Variants in SP140L observed in about 807,000 individuals in gnomAD.
SP140L encodes the protein nuclear body protein SP140-like protein.
A neutral mutation model predicts 84.3 loss-of-function variants in SP140L; 64 were observed. That is an observed-to-expected ratio of 0.76 (90% CI 0.62 to 0.94). SP140L has a LOEUF of 0.94. Ranked by LOEUF, SP140L falls within the 40% of genes least tolerant of loss-of-function variation. The pLI is 0.00. For missense variants in SP140L, 628 were observed against 692.5 expected (o/e 0.91, Z 1.05); for synonymous variants, 242 against 236.9 (o/e 1.02, Z -0.20).
At chr2:230,356,393 C>T (rs1303299219) in intron 2 of SP140L, among the ~76,000 whole-genome samples, 2 of 152,178 alleles carry the variant, frequency 1.3e-5, no homozygotes, top group Non-Finnish European at 2.9e-5. Context: ...TAGATTCACA[C>T]AATGGAATAC....
intron 2 of SP140L, among the ~76,000 whole-genome samples, chr2:230,352,498 G>T (rs1029497430): frequency 1.3e-5 from 2 of 152,068 alleles, no homozygotes; most frequent in Admixed American, 6.6e-5. Context: ...GATCTCATGA[G>T]AACTCACTAT....
At chr2:230,331,321 G>C (rs550411690) in intron 2 of SP140L, among the ~76,000 whole-genome samples, 1 of 152,244 alleles carries the variant, frequency 6.6e-6, no homozygotes. Context: ...GGAAAACATA[G>C]TATATACAGA....
intron 7 of SP140L, among the ~76,000 whole-genome samples, chr2:230,380,372 T>G (rs1280209244): frequency 1.3e-5 from 2 of 152,154 alleles, no homozygotes; most frequent in African/African-American, 4.8e-5. Flanking sequence ...CATGTCACTA[T>G]CCATATATAC....
chr2:230,350,576 T>C (rs867169185), intron 2 of SP140L, among the ~76,000 whole-genome samples: 5 of 152,152 alleles, frequency 3.3e-5, no homozygotes, highest in South Asian at 4.1e-4. Flanking sequence ...GAAAAATCAA[T>C]GGACAAAACA....
chr2:230,362,868 A>T (rs1321197528), intron 5 of SP140L, among the ~76,000 whole-genome samples: 1 of 151,868 alleles, frequency 6.6e-6, no homozygotes, highest in Admixed American at 6.6e-5. Flanking sequence ...GAGGAAATTT[A>T]TGCAGAAAGA....
At chr2:230,386,233 G>A (rs2061576020) in intron 9 of SP140L, among the ~76,000 whole-genome samples, 1 of 152,136 alleles carries the variant, frequency 6.6e-6, no homozygotes, top group South Asian at 2.1e-4. Context: ...GCGGGTGCTT[G>A]GAACTTGGGT....
intron 2 of SP140L, among the ~76,000 whole-genome samples, 188 bp downstream of exon 2, chr2:230,329,019 G>T (rs1415213787): frequency 6.6e-6 from 1 of 151,948 alleles, no homozygotes; most frequent in Non-Finnish European, 1.5e-5. Context: ...TAAATATTCT[G>T]CAAAGTATAA....
intron 5 of SP140L, 152 bp from the exon 6 acceptor site, chr2:230,370,756 C>T (rs555415698): frequency 2.1e-5 from 13 of 619,056 alleles, no homozygotes; most frequent in East Asian, 1.4e-4. Flanking sequence ...AAGAAGATTT[C>T]GGAGGAAAAA....
At chr2:230,393,604 T>C (rs2061919894) in intron 13 of SP140L, 143 bp downstream of exon 13, 1 of 1,023,500 alleles carries the variant, frequency 9.8e-7, no homozygotes, top group Admixed American at 3.8e-5. Context: ...TTTTTTAATA[T>C]ACACTTTCAG....
intron 5 of SP140L, among the ~76,000 whole-genome samples, chr2:230,368,997 A>G (rs1449861417): frequency 6.6e-6 from 1 of 152,014 alleles, no homozygotes; most frequent in East Asian, 1.9e-4. Flanking sequence ...TGTCTTTTTG[A>G]TGGTGTTATG....
intron 2 of SP140L, among the ~76,000 whole-genome samples, chr2:230,334,364 T>G (rs987377131): frequency 1.3e-5 from 2 of 152,218 alleles, no homozygotes; most frequent in African/African-American, 4.8e-5. Context: ...TGTCCTTTCC[T>G]CTCCTGTTCC....
chr2:230,334,010 C>T lies in SP140L; in HGVS notation c.107+5179C>T, dbSNP rs1237314402. Among the ~76,000 whole-genome samples, 3 of 152,150 alleles carry T rather than the reference C, an allele frequency of 2.0e-5. No homozygotes were observed. In the East Asian group the frequency reaches 5.8e-4, roughly 29 times the overall value. On this transcript the variant is annotated intron_variant, in intron 2 of 18. Coordinates refer to ENST00000415673, the MANE Select transcript of SP140L (RefSeq NM_138402.6). The stretch of plus-strand genomic sequence containing the variant: ...GCATCTGTTCCTTCCAGGTTTCTTT[C>T]GCAGCTCCTGCTCCAATATTTGCTT...
At chr2:230,360,842 A>T (rs780305971) in intron 4 of SP140L, among the ~76,000 whole-genome samples, 4 of 152,056 alleles carry the variant, frequency 2.6e-5, no homozygotes, top group Non-Finnish European at 5.9e-5. Context: ...GTCCTCTGTT[A>T]TGTTTATCTG....
At chr2:230,374,259 T>TCAGCAGAGGTTGCACC (rs2061174513) in intron 7 of SP140L, among the ~76,000 whole-genome samples, 2 of 149,762 alleles carry the variant, frequency 1.3e-5, no homozygotes, top group Admixed American at 6.7e-5. Context: ...GAGGTTGCAC[T>TCAGCAGAGGTTGCACC]GAGCAGAGGT....
At chr2:230,398,570 T>C (rs868063233) in intron 14 of SP140L, among the ~76,000 whole-genome samples, 6 of 152,206 alleles carry the variant, frequency 3.9e-5, no homozygotes, top group Middle Eastern at 3.2e-3. Context: ...CTGCAAACTC[T>C]GTGAGACAGC....
rs980607816 is a variant in SP140L, at chr2:230,361,784, A to G, written c.523+87A>G. 3 of 984,238 alleles carry G rather than the reference A, an allele frequency of 3.0e-6. No homozygotes were observed. In the African/African-American group the frequency reaches 4.9e-5, roughly 16 times the overall value. 61.0% of individuals were successfully genotyped at this position (984,238 alleles called of 1,614,324 possible). ...TGAGGGCCCAAGGTCCTGAGGGGAA[A>G]TTGTGAAACAGGGAAGACACAGGGA... On this transcript the variant is annotated intron_variant, in intron 5 of 18. Transcript: ENST00000415673.
At chr2:230,334,531 A>G (rs1448760616) in intron 2 of SP140L, among the ~76,000 whole-genome samples, 2 of 152,242 alleles carry the variant, frequency 1.3e-5, no homozygotes, top group African/African-American at 2.4e-5. Context: ...AATTCCTGAG[A>G]TAACACCTAC....
intron 5 of SP140L, among the ~76,000 whole-genome samples, chr2:230,363,989 A>T (rs758563285): frequency 3.3e-5 from 5 of 151,970 alleles, no homozygotes; most frequent in Non-Finnish European, 7.4e-5. Flanking sequence ...AAATGCATGG[A>T]TTCAAGCTCT....
chr2:230,386,164 A>G lies in SP140L; in HGVS notation c.784+860A>G, dbSNP rs545999603. ...TGAGTGAAGGGCTGAACCTGGCATA[A>G]TCAGTTCCACCAACTCTTTCTATGG... is the stretch of plus-strand genomic sequence containing the variant. On this transcript the variant is annotated intron_variant, in intron 9 of 18. Coordinates refer to ENST00000415673, the MANE Select transcript of SP140L (RefSeq NM_138402.6). Among the ~76,000 whole-genome samples, 114 of 152,298 alleles carry G rather than the reference A, an allele frequency of 7.5e-4. 2 individuals carry two copies. In the South Asian group the frequency reaches 0.023, roughly 31 times the overall value.
Sources: allele counts gnomAD v4.1 joint callset (sites outside exome capture counted in the v4.1 genomes callset), GRCh38; gene constraint gnomAD v4.1.1; transcripts MANE v1.5; gene names NCBI Gene and HGNC (gene_info 2026-07-23, HGNC 2026-07-21).